The following ATAD2B variants were observed in gnomAD, a reference collection of about 807,000 sequenced individuals.
ATAD2B encodes the protein ATPase family AAA domain-containing protein 2B.
A neutral mutation model predicts 167.6 loss-of-function variants in ATAD2B; 40 were observed. The ratio of observed to expected loss-of-function variants is 0.24; its 90% confidence interval spans 0.19 to 0.31. The LOEUF is 0.31. ATAD2B is among the 10% of genes least tolerant of loss of function. ATAD2B has a pLI of 1.00. For missense variants in ATAD2B, 1,242 were observed against 1,757.2 expected (o/e 0.71, Z 5.24); for synonymous variants, 579 against 596.5 (o/e 0.97, Z 0.43).
intron 22 of ATAD2B, among the ~76,000 whole-genome samples, chr2:23,779,206 C>T (rs1382095338): frequency 3.0e-5 from 4 of 135,066 alleles, no homozygotes; most frequent in Admixed American, 7.8e-5. Context: ...GACAGAGTCT[C>T]GCTCTGTCTC....
chr2:23,816,176 T>G (rs1018130596), intron 17 of ATAD2B, among the ~76,000 whole-genome samples: 1 of 152,200 alleles, frequency 6.6e-6, no homozygotes, highest in South Asian at 2.1e-4. Flanking sequence ...ATAAGAAAAA[T>G]ACTACTCTCA....
chr2:23,768,842 G>A (rs571010221), intron 22 of ATAD2B, among the ~76,000 whole-genome samples: 6 of 152,154 alleles, frequency 3.9e-5, no homozygotes, highest in African/African-American at 1.2e-4. Context: ...TCTGTACTTC[G>A]TTATTTGTTA....
At chr2:23,684,240 C>T in the ATAD2B span, among the ~76,000 whole-genome samples, 4 of 151,838 alleles carry the variant, frequency 2.6e-5, no homozygotes, top group South Asian at 4.2e-4. The surrounding 1 kb of genome is among the most constrained non-coding windows in gnomAD (Gnocchi z 4.4). Context: ...ATGTTTGTGA[C>T]TTCTTTTGAC....
chr2:23,844,560 A>G (rs1038106472), intron 13 of ATAD2B, among the ~76,000 whole-genome samples: 6 of 152,246 alleles, frequency 3.9e-5, no homozygotes, highest in African/African-American at 7.2e-5. Context: ...TTCTATATGT[A>G]TATGTATAGA....
At chr2:23,786,679 T>C (rs1206034195) in intron 20 of ATAD2B, among the ~76,000 whole-genome samples, 1 of 152,146 alleles carries the variant, frequency 6.6e-6, no homozygotes, top group East Asian at 1.9e-4. Context: ...AACATGCAAA[T>C]CCAGCAAGTA....
At chr2:23,841,985 C>G (rs1258137139) in intron 13 of ATAD2B, among the ~76,000 whole-genome samples, 1 of 152,110 alleles carries the variant, frequency 6.6e-6, no homozygotes, top group African/African-American at 2.4e-5. Flanking sequence ...CACTATTTTA[C>G]TTTGAACCTT....
At chr2:23,726,105 A>G in the ATAD2B span, among the ~76,000 whole-genome samples, 23 of 152,268 alleles carry the variant, frequency 1.5e-4, no homozygotes, top group Admixed American at 1.5e-3. Flanking sequence ...CTTCACACTC[A>G]TGCACATTCA....
the ATAD2B span, chr2:23,690,327 G>GGGAGA: frequency 6.6e-6 from 1 of 152,204 alleles, no homozygotes; most frequent in Non-Finnish European, 1.5e-5. Flanking sequence ...CTGAGGGCCC[G>GGGAGA]GGAGACCAAG....
chr2:23,871,403 T>C (rs187865966), intron 8 of ATAD2B, among the ~76,000 whole-genome samples: 265 of 152,190 alleles, frequency 1.7e-3, no homozygotes, highest in Non-Finnish European at 2.9e-3. Flanking sequence ...CCTCCTAACA[T>C]ACCAACTTTC....
chr2:23,788,578 TTC>T lies in ATAD2B; in HGVS notation c.2708_2709del (p.Arg903LysfsTer75). On this transcript the variant is annotated frameshift_variant, in exon 20 of 28. Transcript: ENST00000238789. LOFTEE classifies it high-confidence loss of function. ...LYIQRPIEEDRRKFFQELILN... is the reference protein window; with the variant it reads ...LYIQRPIEEDXRKFFQELILN... ...AGAATCAATTCTTGAAAAAATTTTC[TTC>T]TGTCTTCTTCAATAGGCCTTTGAAT... 6.2e-7 allele frequency: 1 copy of T among 1,611,382 alleles called. No homozygotes were observed. Among genetic ancestry groups the T allele is most frequent in the African/African-American group, 1.3e-5 (1 of 74,986 alleles).
intron 23 of ATAD2B, 32 bp from the exon 24 acceptor site, chr2:23,762,378 A>C: frequency 1.3e-6 from 2 of 1,590,216 alleles, no homozygotes; most frequent in East Asian, 4.5e-5. Flanking sequence ...TACCTCTTTA[A>C]ATATTCCCAG....
intron 13 of ATAD2B, among the ~76,000 whole-genome samples, chr2:23,842,457 G>C (rs1032187915): frequency 3.3e-5 from 5 of 152,110 alleles, no homozygotes; most frequent in African/African-American, 9.7e-5. Flanking sequence ...AGACAGATGG[G>C]TTCTGGTGGG....
At position 23,754,739 on chromosome 2, in the gene ATAD2B, A is replaced by G. The variant is rs1435501449; in HGVS notation, c.4114T>C (p.Leu1372=). The change falls in exon 26 of 28, where the codon TTA becomes CTA. Residue 1372 remains leucine (L), a synonymous_variant. Coordinates refer to ENST00000238789, the MANE Select transcript of ATAD2B (RefSeq NM_017552.4). ...SKVKKYRKLI[L]EQAKTTSLEL... ...AGGCTTGTCGTTTTTGCCTGCTCTA[A>G]AATTAATTTACGGTATTTCTTTACT... The G allele has an allele frequency of 4.3e-6, 7 of 1,612,742 alleles. No homozygotes were observed. In the African/African-American group the frequency reaches 5.3e-5, roughly 12 times the overall value.
intron 18 of ATAD2B, among the ~76,000 whole-genome samples, chr2:23,802,227 G>A (rs1169643031): frequency 6.6e-6 from 1 of 151,182 alleles, no homozygotes; most frequent in African/African-American, 2.4e-5. Flanking sequence ...AAAATTAAAA[G>A]GCACTAATAA....
At chr2:23,845,197 G>C (rs1691553744) in intron 13 of ATAD2B, among the ~76,000 whole-genome samples, 1 of 152,084 alleles carries the variant, frequency 6.6e-6, no homozygotes, top group Non-Finnish European at 1.5e-5. Context: ...ATCCTGCCTA[G>C]CAGTTTCACT....
downstream of ATAD2B, among the ~76,000 whole-genome samples, chr2:23,745,283 C>T (rs1198671894): frequency 2.0e-5 from 3 of 150,768 alleles, no homozygotes; most frequent in Non-Finnish European, 4.4e-5. Context: ...CCAGACTCCA[C>T]AGCAAGCAAG....
rs780357255 is a variant in ATAD2B, at chr2:23,757,412, C to T, written c.4078+6G>A. On this transcript the variant is annotated splice_donor_region_variant and intron_variant, in intron 25 of 27. Coordinates refer to ENST00000238789, the MANE Select transcript of ATAD2B (RefSeq NM_017552.4). ...CTTCAGAAGATTTTTCAAATATTAG[C>T]TCTACCTTCTTTATCCAGTTCTGCA... 5 of 1,459,624 alleles carry T rather than the reference C, an allele frequency of 3.4e-6. No individual in the cohort carries two copies. The highest frequency in any genetic ancestry group is 3.6e-6 in the Non-Finnish European group (4 of 1,106,610). The allele number at this position is 1,459,624 out of a possible 1,614,324, so 90.4% of individuals were successfully genotyped here.
At chr2:23,722,286 G>T in the ATAD2B span, among the ~76,000 whole-genome samples, 1 of 152,050 alleles carries the variant, frequency 6.6e-6, no homozygotes, top group African/African-American at 2.4e-5. Context: ...GCCAGAAAAA[G>T]AATTCAAAAT....
rs1675342083 is a variant in ATAD2B at position 23,751,427 on chromosome 2, G to C, written c.*619C>G. ...CCAAAGAAATATTTCTAATTTATTT[G>C]CTTCAAACAGCCCATCCTTTTAGCC... On this transcript the variant is annotated 3_prime_UTR_variant, in exon 28 of 28. Transcript: ENST00000238789. The C allele has an allele frequency of 1.3e-5, 2 of 151,996 alleles. No individual in the cohort carries two copies. The highest frequency in any genetic ancestry group is 6.6e-5 in the Admixed American group (1 of 15,240). The allele number at this position is 151,996 out of a possible 1,614,324, so 9.4% of individuals were successfully genotyped here. A position where few individuals can be genotyped will look rare whatever the true frequency, so the allele number is the denominator to read the frequency against.
Sources: allele counts gnomAD v4.1 joint callset (sites outside exome capture counted in the v4.1 genomes callset), GRCh38; gene constraint gnomAD v4.1.1; non-coding constraint Gnocchi (gnomAD v3.1); transcripts MANE v1.5; gene names NCBI Gene and HGNC (gene_info 2026-07-23, HGNC 2026-07-21).